Variants in RANBP2 observed in about 807,000 individuals in gnomAD.
RANBP2 encodes RAN binding protein 2, also known as E3 SUMO-protein ligase RanBP2.
Under a neutral mutation model 303.6 loss-of-function variants are expected in RANBP2, and 57 were observed. The observed-to-expected ratio is 0.19, with a 90% CI of 0.15 to 0.23. The LOEUF (loss-of-function observed/expected upper bound fraction) is 0.23. Among genes scored for constraint, RANBP2 ranks in the 10% least tolerant of loss-of-function variants. The pLI is 1.00. For synonymous variants in RANBP2, 1,167 were observed against 1,301.5 expected, an observed-to-expected ratio of 0.90 and a Z score of 2.23; for missense variants, 3,138 against 3,780.8, an observed-to-expected ratio of 0.83 and a Z score of 4.46.
the RANBP2 span, among the ~76,000 whole-genome samples, chr2:108,996,168 A>T: frequency 6.6e-6 from 1 of 152,170 alleles, no homozygotes; most frequent in African/African-American, 2.4e-5. Context: ...GGGAGTGAAG[A>T]GTGAGAGTTC....
chr2:109,347,644 C>A, the RANBP2 span: 1 of 1,605,498 alleles, frequency 6.2e-7, no homozygotes, highest in South Asian at 1.1e-5. Flanking sequence ...GGGGCATGCC[C>A]GGTGACCACA....
the RANBP2 span, among the ~76,000 whole-genome samples, chr2:109,320,488 G>T: frequency 2.0e-5 from 3 of 152,154 alleles, no homozygotes; most frequent in Non-Finnish European, 4.4e-5. Context: ...CTTAACCAAG[G>T]CCAGTTATAC....
intron 1 of RANBP2, among the ~76,000 whole-genome samples, chr2:108,724,145 A>G (rs1694507529): frequency 6.6e-6 from 1 of 152,158 alleles, no homozygotes; most frequent in Non-Finnish European, 1.5e-5. Context: ...GAGGAAAAGT[A>G]GATGAGAGGT....
chr2:109,088,636 C>T, the RANBP2 span, among the ~76,000 whole-genome samples: 18 of 152,054 alleles, frequency 1.2e-4, no homozygotes, highest in South Asian at 2.9e-3. Flanking sequence ...CTCAGCCTCC[C>T]AAGTAGCTGG....
the RANBP2 span, among the ~76,000 whole-genome samples, chr2:109,258,965 G>A: frequency 2.0e-5 from 3 of 152,334 alleles, no homozygotes; most frequent in East Asian, 5.8e-4. Flanking sequence ...TGCCCACGGG[G>A]CATCCGCATG....
At chr2:109,030,936 A>G in the RANBP2 span, among the ~76,000 whole-genome samples, 9 of 152,160 alleles carry the variant, frequency 5.9e-5, no homozygotes, top group Non-Finnish European at 1.0e-4. Flanking sequence ...AAATGGTTTA[A>G]TAATTGGTAT....
At chr2:109,316,821 A>G in the RANBP2 span, among the ~76,000 whole-genome samples, 1 of 151,850 alleles carries the variant, frequency 6.6e-6, no homozygotes, top group Non-Finnish European at 1.5e-5. Flanking sequence ...CCCTGGCCTC[A>G]CCCTCTGGCT....
At chr2:109,568,024 T>A in the RANBP2 span, 4 of 1,364,476 alleles carry the variant, frequency 2.9e-6, no homozygotes, top group Admixed American at 2.3e-5. Flanking sequence ...TTTTTTTTTT[T>A]AATCCTGCAG....
the RANBP2 span, among the ~76,000 whole-genome samples, chr2:109,709,171 G>A: frequency 1.5e-4 from 22 of 149,928 alleles, no homozygotes; most frequent in South Asian, 4.6e-3. Flanking sequence ...CCAGGCATGG[G>A]GGTGCATGCC....
chr2:109,230,125 AT>A, the RANBP2 span, among the ~76,000 whole-genome samples: 15 of 148,712 alleles, frequency 1.0e-4, no homozygotes, highest in African/African-American at 1.5e-4. Context: ...CACCTGGCCG[AT>A]TTTTTTTTTC....
At chr2:108,856,876 G>A in the RANBP2 span, 1 of 1,613,140 alleles carries the variant, frequency 6.2e-7, no homozygotes, top group African/African-American at 1.3e-5. Context: ...TGGAGTATCA[G>A]GCTGTTCCAG....
the RANBP2 span, among the ~76,000 whole-genome samples, chr2:109,232,910 A>G: frequency 2.6e-5 from 4 of 152,186 alleles, no homozygotes; most frequent in Non-Finnish European, 2.9e-5. Flanking sequence ...TTGACAAACA[A>G]CTGCAGTTGA....
chr2:109,537,741 T>C, the RANBP2 span, among the ~76,000 whole-genome samples: 1 of 151,456 alleles, frequency 6.6e-6, no homozygotes, highest in Non-Finnish European at 1.5e-5. Context: ...AACTCAGGAG[T>C]TCGAGACAAG....
the RANBP2 span, among the ~76,000 whole-genome samples, chr2:109,149,360 A>G: frequency 6.6e-6 from 1 of 152,228 alleles, no homozygotes; most frequent in Non-Finnish European, 1.5e-5. Flanking sequence ...TCAAGAGTCA[A>G]GTGTCTGGCA....
At chr2:109,413,218 G>A in the RANBP2 span, among the ~76,000 whole-genome samples, 1 of 152,298 alleles carries the variant, frequency 6.6e-6, no homozygotes, top group Non-Finnish European at 1.5e-5. Context: ...GGGTTCAAAC[G>A]ATTCTCCTGC....
the RANBP2 span, among the ~76,000 whole-genome samples, chr2:109,258,549 C>T: frequency 6.6e-6 from 1 of 152,150 alleles, no homozygotes; most frequent in Non-Finnish European, 1.5e-5. Context: ...GGTGGTGCCA[C>T]CAATCCTTGT....
chr2:109,179,427 A>C, the RANBP2 span, among the ~76,000 whole-genome samples: 1 of 152,150 alleles, frequency 6.6e-6, no homozygotes, highest in African/African-American at 2.4e-5. Flanking sequence ...GGTATCCCTG[A>C]GATCTCTTAA....
At chr2:108,753,231 C>T (rs1367524136) in intron 13 of RANBP2, 72 bp downstream of exon 13, 1 of 1,607,862 alleles carries the variant, frequency 6.2e-7, no homozygotes, top group Non-Finnish European at 8.5e-7. Context: ...TAGAGCTATA[C>T]ACTGCTTAAA....
At chr2:109,306,123 A>G in the RANBP2 span, among the ~76,000 whole-genome samples, 19 of 152,336 alleles carry the variant, frequency 1.2e-4, no homozygotes, top group South Asian at 3.3e-3. Context: ...TTCATTCAAC[A>G]TCAGCAGGAA....
Sources: gnomAD v4.1 joint callset for allele counts (sites outside exome capture counted in the v4.1 genomes callset) on GRCh38, gnomAD v4.1.1 for gene constraint, MANE v1.5 for transcripts, NCBI Gene and HGNC (gene_info 2026-07-23, HGNC 2026-07-21) for gene names.